RBFOX1: variants seen among roughly 807,000 people sequenced by gnomAD.
RBFOX1 encodes RNA binding fox-1 homolog 1.
In RBFOX1, 8 loss-of-function variants were observed where a neutral mutation model predicts 57.7. The ratio of observed to expected loss-of-function variants is 0.14; its 90% CI spans 0.08 to 0.25. RBFOX1 has a LOEUF of 0.25. Ranked by LOEUF, RBFOX1 falls within the 10% of genes least tolerant of loss-of-function variation. The probability of loss-of-function intolerance (pLI) is 1.00; values close to 1 mark genes in which losing one functional copy is unlikely to be tolerated. For missense variants in RBFOX1, 611 were observed against 548.5 expected (o/e 1.11, Z -1.14); for synonymous variants, 326 against 222.4 (o/e 1.47, Z -4.15).
intron 2 of RBFOX1, among the ~76,000 whole-genome samples, chr16:6,635,792 A>C (rs947957682): frequency 2.6e-5 from 4 of 152,168 alleles, no homozygotes; most frequent in Admixed American, 1.3e-4. Context: ...TTGACCAGTC[A>C]GTCTTAGGGT....
chr16:6,318,905 T>G (rs1232644231), intron 2 of RBFOX1, among the ~76,000 whole-genome samples: 1 of 151,824 alleles, frequency 6.6e-6, no homozygotes, highest in Non-Finnish European at 1.5e-5. Flanking sequence ...CTAGTAGGTT[T>G]CCATCCTGTC....
intron 4 of RBFOX1, among the ~76,000 whole-genome samples, chr16:5,917,836 G>C (rs767822956): frequency 4.6e-5 from 7 of 152,106 alleles, no homozygotes; most frequent in Non-Finnish European, 1.0e-4. Flanking sequence ...TGTTTGAAAT[G>C]ACTTCCCATT....
At chr16:7,000,958 T>C (rs1425910716) in intron 3 of RBFOX1, among the ~76,000 whole-genome samples, 2 of 152,174 alleles carry the variant, frequency 1.3e-5, no homozygotes, top group African/African-American at 4.8e-5. Context: ...TGCTTTTCTT[T>C]ATTGAAGTCC....
intron 4 of RBFOX1, among the ~76,000 whole-genome samples, chr16:7,376,838 AGTC>A: frequency 6.6e-6 from 1 of 152,294 alleles, no homozygotes. Flanking sequence ...AGCTGTTAAA[AGTC>A]GTGGTCATCT....
intron 2 of RBFOX1, among the ~76,000 whole-genome samples, chr16:6,638,151 T>G (rs910030677): frequency 7.2e-5 from 11 of 152,140 alleles, no homozygotes; most frequent in African/African-American, 2.7e-4. Context: ...TTTAATGGGA[T>G]TATTTTTAAT....
At chr16:7,064,126 A>G (rs1430603420) in intron 4 of RBFOX1, among the ~76,000 whole-genome samples, 1 of 150,982 alleles carries the variant, frequency 6.6e-6, no homozygotes, top group African/African-American at 2.4e-5. Context: ...AAATGAGTCC[A>G]TAAGCGTGGG....
At chr16:7,303,835 C>G (rs922737348) in intron 4 of RBFOX1, among the ~76,000 whole-genome samples, 1 of 151,450 alleles carries the variant, frequency 6.6e-6, no homozygotes, top group Non-Finnish European at 1.5e-5. Context: ...CGTCCCACCC[C>G]TTCCTCCTCT....
chr16:5,454,323 A>G (rs537728814), intron 1 of RBFOX1, among the ~76,000 whole-genome samples: 2 of 152,374 alleles, frequency 1.3e-5, no homozygotes, highest in South Asian at 4.1e-4. Context: ...GGCATAAAAC[A>G]ACTATCTGAT....
In RBFOX1 at chr16:5,926,304, T is replaced by C. The variant is rs1413112540; in HGVS notation, c.351+58969T>C. Among the ~76,000 whole-genome samples, 3 of 152,304 alleles carry C rather than the reference T, an allele frequency of 2.0e-5. No individual in the cohort carries two copies. The East Asian group carries it at 5.8e-4, about 29-fold the overall frequency. On this transcript the variant is annotated intron_variant, in intron 4 of 19. Coordinates refer to the RBFOX1 transcript ENST00000641259. Reference sequence around the variant, plus strand: ...GCTGTAGCTCTCACTGGAAATCCTATGTGTAAAATTGGTATATTGGAGAAG... The same window carrying C: ...GCTGTAGCTCTCACTGGAAATCCTACGTGTAAAATTGGTATATTGGAGAAG...
chr16:7,644,296 G>T (rs1027686449), intron 11 of RBFOX1, among the ~76,000 whole-genome samples: 1 of 152,244 alleles, frequency 6.6e-6, no homozygotes, highest in Non-Finnish European at 1.5e-5. Context: ...GTTAATCTCC[G>T]GGTCTGGCAA....
chr16:5,529,946 G>A (rs2044399228), intron 2 of RBFOX1, among the ~76,000 whole-genome samples: 1 of 152,060 alleles, frequency 6.6e-6, no homozygotes, highest in Non-Finnish European at 1.5e-5. Context: ...GCCACAACTC[G>A]AGGAACACCA....
At chr16:6,707,577 G>C (rs1255131862) in intron 3 of RBFOX1, among the ~76,000 whole-genome samples, 1 of 145,476 alleles carries the variant, frequency 6.9e-6, no homozygotes, top group Non-Finnish European at 1.5e-5. Flanking sequence ...TCAACCCCAA[G>C]AAGGATTGAC....
chr16:6,910,374 T>A (rs1319774182), intron 3 of RBFOX1, among the ~76,000 whole-genome samples: 1 of 152,148 alleles, frequency 6.6e-6, no homozygotes, highest in African/African-American at 2.4e-5. Context: ...CTATTTCCCT[T>A]CCACACACAC....
intron 10 of RBFOX1, among the ~76,000 whole-genome samples, chr16:7,618,298 A>G (rs1305072469): frequency 3.3e-5 from 5 of 152,204 alleles, no homozygotes; most frequent in Admixed American, 1.3e-4. Context: ...ATCTATATTC[A>G]CACTGAGTAA....
intron 1 of RBFOX1, among the ~76,000 whole-genome samples, chr16:6,110,928 C>G (rs995250046): frequency 6.6e-6 from 1 of 152,078 alleles, no homozygotes; most frequent in Admixed American, 6.5e-5. Flanking sequence ...TTGCAAAATG[C>G]TAGTGTGGAG....
chr16:7,240,155 A>C (rs1211753800), intron 4 of RBFOX1, among the ~76,000 whole-genome samples: 1 of 151,924 alleles, frequency 6.6e-6, no homozygotes, highest in Non-Finnish European at 1.5e-5. Context: ...TCAGTAGCGA[A>C]AGGGTTTCAC....
At chr16:7,543,539 G>A (rs1415979675) in intron 5 of RBFOX1, among the ~76,000 whole-genome samples, 2 of 152,138 alleles carry the variant, frequency 1.3e-5, no homozygotes, top group Admixed American at 1.3e-4. Flanking sequence ...AAGTTGAAAT[G>A]TGTGTGTACC....
intron 1 of RBFOX1, among the ~76,000 whole-genome samples, chr16:5,277,218 A>T (rs1401415389): frequency 2.0e-5 from 3 of 152,150 alleles, no homozygotes; most frequent in Non-Finnish European, 4.4e-5. Flanking sequence ...GGAAAAACAA[A>T]CATTGCATGT....
intron 1 of RBFOX1, among the ~76,000 whole-genome samples, chr16:5,373,094 T>C (rs1192058912): frequency 2.0e-5 from 3 of 152,146 alleles, no homozygotes; most frequent in African/African-American, 7.2e-5. Context: ...CAGAAGGCAG[T>C]GTGGAAAGGA....
Sources: allele counts gnomAD v4.1 joint callset (sites outside exome capture counted in the v4.1 genomes callset), GRCh38; gene constraint gnomAD v4.1.1; transcripts MANE v1.5; gene names NCBI Gene and HGNC (gene_info 2026-07-23, HGNC 2026-07-21).